Variants in CCDC148 observed in about 807,000 individuals in gnomAD.
The protein encoded by CCDC148 is coiled-coil domain containing 148.
A neutral mutation model predicts 85.7 loss-of-function variants in CCDC148; 89 were observed. The observed-to-expected ratio is 1.04, with a 90% confidence interval of 0.87 to 1.24. CCDC148 has a LOEUF of 1.24. CCDC148 is among the 50% of genes most tolerant of loss of function. CCDC148 has a pLI of 0.00. For missense variants in CCDC148, 692 were observed against 671.7 expected (o/e 1.03, Z -0.33); for synonymous variants, 230 against 213.9 (o/e 1.08, Z -0.66).
Position 158,198,326 on chromosome 2 carries a change from T to C in CCDC148, c.1371-19330A>G, listed in dbSNP as rs545959805. On this transcript the variant is annotated intron_variant, in intron 11 of 13. Coordinates refer to ENST00000283233, the MANE Select transcript of CCDC148 (RefSeq NM_138803.4). ...GGGACAGTGTCATTTTTGTCCATCATTGTATCCCAAGGTAGTAGACACTCA... is the reference window on the plus strand; with the variant it reads ...GGGACAGTGTCATTTTTGTCCATCACTGTATCCCAAGGTAGTAGACACTCA... 4.6e-5 allele frequency among the ~76,000 whole-genome samples: 7 copies of C among 152,302 alleles called. No individual in the cohort carries two copies. The South Asian group carries it at 1.4e-3, about 32-fold the overall frequency.
At chr2:158,368,593 C>G (rs1371718473) in intron 1 of CCDC148, among the ~76,000 whole-genome samples, 1 of 151,948 alleles carries the variant, frequency 6.6e-6, no homozygotes, top group Non-Finnish European at 1.5e-5. Flanking sequence ...AATGCTAAGC[C>G]TTTTAGATCT....
At chr2:158,435,744 C>A (rs1307372590) in intron 1 of CCDC148, among the ~76,000 whole-genome samples, 2 of 152,020 alleles carry the variant, frequency 1.3e-5, no homozygotes, top group South Asian at 2.1e-4. Flanking sequence ...CTCACGTGCA[C>A]AGACAAACAT....
intron 9 of CCDC148, among the ~76,000 whole-genome samples, chr2:158,271,778 A>G (rs1689710465): frequency 6.6e-6 from 1 of 152,148 alleles, no homozygotes; most frequent in South Asian, 2.1e-4. Flanking sequence ...TGTATTCCTC[A>G]TGGATAAGGG....
chr2:158,452,425 T>C (rs1356376260), intron 1 of CCDC148, among the ~76,000 whole-genome samples: 5 of 152,234 alleles, frequency 3.3e-5, no homozygotes, highest in African/African-American at 1.2e-4. Flanking sequence ...TGGAAATTTA[T>C]GGCCTACTCT....
At chr2:158,420,673 C>T (rs978776892) in intron 1 of CCDC148, among the ~76,000 whole-genome samples, 3 of 152,130 alleles carry the variant, frequency 2.0e-5, no homozygotes, top group Non-Finnish European at 4.4e-5. Context: ...GAAGAAACTG[C>T]ATCAAGTAAC....
At chr2:158,401,415 C>G (rs1476390799) in intron 1 of CCDC148, among the ~76,000 whole-genome samples, 1 of 152,086 alleles carries the variant, frequency 6.6e-6, no homozygotes, top group Non-Finnish European at 1.5e-5. Context: ...ATGGATGAAG[C>G]TGGAAACCAT....
intron 1 of CCDC148, among the ~76,000 whole-genome samples, chr2:158,421,122 C>G (rs940647069): frequency 6.6e-6 from 1 of 152,090 alleles, no homozygotes; most frequent in Non-Finnish European, 1.5e-5. Context: ...GACTTAGACT[C>G]CCACACAATA....
At chr2:158,345,151 C>A in intron 3 of CCDC148, 64 bp downstream of exon 3, 2 of 1,120,970 alleles carry the variant, frequency 1.8e-6, no homozygotes, top group Non-Finnish European at 2.6e-6. Flanking sequence ...TATAGAACAT[C>A]TGACAAGATA....
intron 12 of CCDC148, among the ~76,000 whole-genome samples, chr2:158,178,323 C>T (rs1315023145): frequency 6.6e-6 from 1 of 152,176 alleles, no homozygotes; most frequent in African/African-American, 2.4e-5. Context: ...GTAAAACTAT[C>T]ACATTTCCTA....
intron 2 of CCDC148, among the ~76,000 whole-genome samples, chr2:158,355,456 T>C (rs1169428864): frequency 6.6e-6 from 1 of 151,846 alleles, no homozygotes; most frequent in East Asian, 1.9e-4. Context: ...GAGAGCCAAA[T>C]CATGAGTGAA....
chr2:158,320,482 G>A (rs1192500810), intron 7 of CCDC148, among the ~76,000 whole-genome samples: 1 of 152,102 alleles, frequency 6.6e-6, no homozygotes, highest in East Asian at 1.9e-4. Context: ...ACAAAGAATA[G>A]GGAAAAGTTG....
At chr2:158,358,394 T>C (rs1239885699) in intron 2 of CCDC148, 55 bp downstream of exon 2, 1 of 1,575,826 alleles carries the variant, frequency 6.3e-7, no homozygotes, top group Admixed American at 1.9e-5. Context: ...GTAAATACTT[T>C]CCAGCAATTC....
chr2:158,248,666 T>C (rs1430174405), intron 10 of CCDC148, among the ~76,000 whole-genome samples: 1 of 152,098 alleles, frequency 6.6e-6, no homozygotes, highest in Non-Finnish European at 1.5e-5. Flanking sequence ...GGGACAAAAA[T>C]GCATTCTAGG....
At chr2:158,343,153 G>A (rs1001114277) in intron 3 of CCDC148, among the ~76,000 whole-genome samples, 5 of 152,088 alleles carry the variant, frequency 3.3e-5, no homozygotes, top group African/African-American at 1.2e-4. Flanking sequence ...CCACGTAGCT[G>A]GGACTACTGG....
At chr2:158,441,148 G>A (rs1289690769) in intron 1 of CCDC148, among the ~76,000 whole-genome samples, 1 of 152,156 alleles carries the variant, frequency 6.6e-6, no homozygotes, top group Non-Finnish European at 1.5e-5. Context: ...AGCAATTCCA[G>A]GGAAAGATAG....
intron 1 of CCDC148, among the ~76,000 whole-genome samples, chr2:158,371,727 T>TATAC (rs1181908971): frequency 2.0e-5 from 3 of 151,776 alleles, no homozygotes; most frequent in Non-Finnish European, 4.4e-5. Context: ...TGTATACATA[T>TATAC]ATATATATTC....
At chr2:158,319,468 G>C (rs1329948128) in intron 7 of CCDC148, among the ~76,000 whole-genome samples, 1 of 152,182 alleles carries the variant, frequency 6.6e-6, no homozygotes, top group Non-Finnish European at 1.5e-5. Context: ...AAAGAAAGAA[G>C]GAAGGTCCCT....
intron 9 of CCDC148, among the ~76,000 whole-genome samples, chr2:158,295,418 C>CA (rs997498320): frequency 6.6e-6 from 1 of 151,916 alleles, no homozygotes; most frequent in African/African-American, 2.4e-5. Context: ...AGAGACACAA[C>CA]AAAAAAAGAG....
intron 1 of CCDC148, among the ~76,000 whole-genome samples, chr2:158,374,479 A>C (rs1390330398): frequency 6.6e-6 from 1 of 151,994 alleles, no homozygotes; most frequent in Non-Finnish European, 1.5e-5. Context: ...CATTATATAA[A>C]CATTAACAGA....
Sources: allele counts gnomAD v4.1 joint callset (sites outside exome capture counted in the v4.1 genomes callset), GRCh38; gene constraint gnomAD v4.1.1; transcripts MANE v1.5; gene names NCBI Gene and HGNC (gene_info 2026-07-23, HGNC 2026-07-21).